Variants in PPP1R9A observed in about 807,000 individuals in gnomAD.
The protein encoded by PPP1R9A is neurabin-1.
Under a neutral mutation model 141.9 loss-of-function variants are expected in PPP1R9A, and 59 were observed. The ratio of observed to expected loss-of-function variants is 0.42; its 90% confidence interval spans 0.34 to 0.52. The LOEUF (loss-of-function observed/expected upper bound fraction) is 0.52. PPP1R9A is among the 20% of genes least tolerant of loss of function. PPP1R9A has a pLI of 0.10. For missense variants in PPP1R9A, 1,444 were observed against 1,611.9 expected (o/e 0.90, Z 1.78); for synonymous variants, 500 against 569.7 (o/e 0.88, Z 1.74).
At chr7:95,049,064 G>A (rs2151972964) in intron 2 of PPP1R9A, among the ~76,000 whole-genome samples, 1 of 152,286 alleles carries the variant, frequency 6.6e-6, no homozygotes, top group East Asian at 1.9e-4. Context: ...ACAGGGAGAA[G>A]TCTGGTCAGA....
chr7:95,294,926 T>A lies in PPP1R9A; in HGVS notation c.*4623T>A, dbSNP rs1806894293. On this transcript the variant is annotated 3_prime_UTR_variant, in exon 20 of 20. Coordinates refer to ENST00000433360, the MANE Select transcript of PPP1R9A (RefSeq NM_001166160.2). ...GCACAGTCTGTGACCTGATTCCAGA[T>A]CCTCAAGAGTGGAGAAGGAAAGAAA... The A allele has an allele frequency of 6.6e-6, 1 of 152,600 alleles. No individual in the cohort carries two copies. The highest frequency in any genetic ancestry group is 6.5e-5 in the Admixed American group (1 of 15,272). 9.5% of individuals were successfully genotyped at this position (152,600 alleles called of 1,614,324 possible).
chr7:95,094,882 A>C (rs1817825672), intron 2 of PPP1R9A, among the ~76,000 whole-genome samples: 1 of 127,590 alleles, frequency 7.8e-6, no homozygotes, highest in Non-Finnish European at 1.6e-5. Flanking sequence ...TGCGTCTCAA[A>C]AAAAAAAAAA....
At chr7:95,031,201 T>C (rs1807632404) in intron 2 of PPP1R9A, among the ~76,000 whole-genome samples, 1 of 152,200 alleles carries the variant, frequency 6.6e-6, no homozygotes, top group Non-Finnish European at 1.5e-5. Context: ...TAATCAGTTG[T>C]AGGAGATAGT....
chr7:95,172,715 A>G (rs2152755431), intron 5 of PPP1R9A, among the ~76,000 whole-genome samples: 1 of 151,996 alleles, frequency 6.6e-6, no homozygotes, highest in East Asian at 1.9e-4. Context: ...TCCCTAAATT[A>G]GTCTGTAGAT....
chr7:95,269,155 T>C (rs907930869), intron 13 of PPP1R9A, 52 bp from the exon 14 acceptor site: 34 of 1,457,462 alleles, frequency 2.3e-5, no homozygotes, highest in Non-Finnish European at 3.2e-5. Context: ...AAGTATTGCA[T>C]AGAACTGATA....
intron 17 of PPP1R9A, among the ~76,000 whole-genome samples, chr7:95,285,560 C>A (rs1400103663): frequency 6.6e-6 from 1 of 152,198 alleles, no homozygotes; most frequent in African/African-American, 2.4e-5. Context: ...CCACCTCCCC[C>A]ACCCCCAGGT....
Position 94,981,657 on chromosome 7 carries a change from T to C in PPP1R9A, c.1395+70149T>C, listed in dbSNP as rs141293854. 2.7e-3 allele frequency among the ~76,000 whole-genome samples: 405 copies of C among 152,316 alleles called. 1 individual carries two copies. Among genetic ancestry groups the C allele is most frequent in the African/African-American group, 9.1e-3 (377 of 41,566 alleles). ...CTGGTGTTATTTTCAGGTGAAGTCT[T>C]CATCTTAGGCTATTATACATACATA... On this transcript the variant is annotated intron_variant, in intron 2 of 19. Coordinates refer to ENST00000433360, the MANE Select transcript of PPP1R9A (RefSeq NM_001166160.2).
At chr7:95,041,568 A>G (rs935767793) in intron 2 of PPP1R9A, among the ~76,000 whole-genome samples, 4 of 152,022 alleles carry the variant, frequency 2.6e-5, no homozygotes, top group South Asian at 2.1e-4. Context: ...TATTTATCCA[A>G]TTGTCACTCT....
At chr7:95,053,185 G>A (rs1811049182) in intron 2 of PPP1R9A, among the ~76,000 whole-genome samples, 1 of 152,192 alleles carries the variant, frequency 6.6e-6, no homozygotes, top group Admixed American at 6.5e-5. Context: ...TCTGTGTTGA[G>A]ATGGATGTGA....
intron 2 of PPP1R9A, among the ~76,000 whole-genome samples, chr7:95,021,919 G>A (rs1476825748): frequency 6.6e-6 from 1 of 152,120 alleles, no homozygotes; most frequent in Non-Finnish European, 1.5e-5. Context: ...CTCCAGCTTT[G>A]TTCTTTTTGC....
At chr7:95,121,451 GTCTGTCTGTCTA>G (rs1164527686) in intron 4 of PPP1R9A, among the ~76,000 whole-genome samples, 150 of 125,404 alleles carry the variant, frequency 1.2e-3, no homozygotes, top group South Asian at 6.0e-3. Context: ...TTGTCTGTCT[GTCTGTCTGTCTA>G]TCTATCTATC....
intron 2 of PPP1R9A, among the ~76,000 whole-genome samples, chr7:94,968,468 A>T (rs183077523): frequency 2.2e-4 from 34 of 151,900 alleles, no homozygotes; most frequent in Admixed American, 5.9e-4. Flanking sequence ...GTCTCTTTTG[A>T]TCTTTGTTGG....
chr7:94,917,095 C>A (rs923438712), intron 2 of PPP1R9A, among the ~76,000 whole-genome samples: 1 of 152,112 alleles, frequency 6.6e-6, no homozygotes, highest in East Asian at 1.9e-4. Context: ...AGATTATAGG[C>A]GTGAACCACT....
At chr7:95,147,958 T>C (rs1324990047) in intron 4 of PPP1R9A, among the ~76,000 whole-genome samples, 2 of 151,264 alleles carry the variant, frequency 1.3e-5, no homozygotes, top group African/African-American at 2.5e-5. Flanking sequence ...TGAAATTTTC[T>C]TTTTTTGTTG....
chr7:95,217,677 C>G (rs1014864401), intron 7 of PPP1R9A, among the ~76,000 whole-genome samples: 18 of 152,162 alleles, frequency 1.2e-4, no homozygotes, highest in Non-Finnish European at 1.9e-4. Context: ...AGAGATTCAA[C>G]TTCTTCCTGG....
chr7:95,243,582 G>T (rs1310979794), intron 8 of PPP1R9A, among the ~76,000 whole-genome samples: 1 of 152,062 alleles, frequency 6.6e-6, no homozygotes, highest in Non-Finnish European at 1.5e-5. Context: ...TATGGCTTGG[G>T]GTTTGGGGGA....
At chr7:95,079,686 C>T (rs1278904029) in intron 2 of PPP1R9A, among the ~76,000 whole-genome samples, 1 of 152,102 alleles carries the variant, frequency 6.6e-6, no homozygotes. Context: ...TCCAAAAATC[C>T]TCAATAAAAT....
Position 95,120,813 on chromosome 7 carries a change from G to A in PPP1R9A, c.1630G>A (p.Ala544Thr). The change falls in exon 4 of 20, where the codon GCT becomes ACT. Residue 544 changes from alanine (A) to threonine (T), a missense_variant. By Grantham distance (58) the Ala-to-Thr change is moderately conservative. Around this residue, in one of 5 missense-constraint regions of PPP1R9A, gnomAD observed 488 missense variants for 542.0 expected, o/e 0.90. Coordinates refer to ENST00000433360, the MANE Select transcript of PPP1R9A (RefSeq NM_001166160.2). ...IFVKTVTEGG[A>T]AQRDGRIQVN... ...CGTCAAGACAGTAACAGAAGGTGGT[G>A]CTGCTCAACGGGATGGCAGGTAAAT... is the stretch of plus-strand genomic sequence containing the variant. The A allele has an allele frequency of 6.2e-7, 1 of 1,613,754 alleles. No homozygotes were observed. Among genetic ancestry groups the A allele is most frequent in the Non-Finnish European group, 8.5e-7 (1 of 1,179,816 alleles).
chr7:95,278,412 A>G (rs1484471873), intron 16 of PPP1R9A, among the ~76,000 whole-genome samples: 2 of 152,254 alleles, frequency 1.3e-5, no homozygotes, highest in East Asian at 3.9e-4. Context: ...AATAAAATGT[A>G]TTATTGTTAA....
Sources: allele counts gnomAD v4.1 joint callset (sites outside exome capture counted in the v4.1 genomes callset), GRCh38; gene constraint gnomAD v4.1.1; regional missense constraint gnomAD v4.1.1; transcripts MANE v1.5; gene names NCBI Gene and HGNC (gene_info 2026-07-23, HGNC 2026-07-21).